The following TAF3 variants were observed in gnomAD, a reference collection of about 807,000 sequenced individuals.
TAF3 encodes the protein TATA-box binding protein associated factor 3.
Under a neutral mutation model 80.6 loss-of-function variants are expected in TAF3, and 7 were observed. That is an observed-to-expected ratio of 0.09 (90% CI 0.05 to 0.16). The LOEUF (loss-of-function observed/expected upper bound fraction) is 0.16, where lower values mean the gene tolerates loss of function less well. Among genes scored for constraint, TAF3 ranks in the 10% least tolerant of loss-of-function variants. The pLI is 1.00. For missense variants in TAF3, 921 were observed against 1,140.2 expected, an observed-to-expected ratio of 0.81 and a Z score of 2.77; for synonymous variants, 444 against 446.1, an observed-to-expected ratio of 1.00 and a Z score of 0.06.
At chr10:8,008,940 T>C in intron 4 of TAF3, 138 bp from the exon 5 acceptor site, 2 of 1,263,240 alleles carry the variant, frequency 1.6e-6, no homozygotes, top group Non-Finnish European at 2.2e-6. Flanking sequence ...GGCCTGGAAC[T>C]CAGTTCTTGA....
intron 2 of TAF3, among the ~76,000 whole-genome samples, chr10:7,863,089 T>C (rs990288869): frequency 6.6e-6 from 1 of 152,256 alleles, no homozygotes; most frequent in Non-Finnish European, 1.5e-5. Flanking sequence ...AGGAGTCTGA[T>C]GTCTTCTGTG....
intron 4 of TAF3, among the ~76,000 whole-genome samples, chr10:7,980,313 T>TC (rs1260473803): frequency 6.6e-6 from 1 of 152,214 alleles, no homozygotes; most frequent in Non-Finnish European, 1.5e-5. Flanking sequence ...ACTTTCTGAG[T>TC]CTTAAATAAA....
chr10:7,955,006 G>A (rs1008693015), intron 2 of TAF3, among the ~76,000 whole-genome samples: 5 of 151,744 alleles, frequency 3.3e-5, no homozygotes, highest in African/African-American at 1.2e-4. Context: ...ATAGGTGAAT[G>A]AATGAATTAG....
chr10:7,924,326 A>T (rs1514233), intron 2 of TAF3, among the ~76,000 whole-genome samples: 46,514 of 152,078 alleles, frequency 0.31, 7,298 homozygotes, highest in African/African-American at 0.37. Context: ...GTTCTCTGCT[A>T]GCATGTTTTG....
At chr10:7,834,954 C>T (rs1055203937) in intron 2 of TAF3, among the ~76,000 whole-genome samples, 3 of 152,118 alleles carry the variant, frequency 2.0e-5, no homozygotes, top group Admixed American at 1.3e-4. Flanking sequence ...TATATACTTT[C>T]ATGTCTTTTA....
chr10:7,859,350 C>A (rs1294090643), intron 2 of TAF3, among the ~76,000 whole-genome samples: 1 of 152,150 alleles, frequency 6.6e-6, no homozygotes, highest in East Asian at 1.9e-4. Context: ...TACATATACA[C>A]ATCCTGCCTT....
chr10:7,931,385 A>G (rs1439353017), intron 2 of TAF3, among the ~76,000 whole-genome samples: 1 of 152,156 alleles, frequency 6.6e-6, no homozygotes, highest in Non-Finnish European at 1.5e-5. Flanking sequence ...TGACCCTGAA[A>G]TTCATTATGA....
At chr10:7,853,550 A>C (rs946970648) in intron 2 of TAF3, among the ~76,000 whole-genome samples, 16 of 152,268 alleles carry the variant, frequency 1.1e-4, no homozygotes, top group African/African-American at 3.9e-4. Flanking sequence ...AATATTCTTC[A>C]ACTGTTATCT....
intron 2 of TAF3, among the ~76,000 whole-genome samples, chr10:7,957,794 G>GCGCTCTCT (rs1554785384): frequency 2.3e-5 from 3 of 130,736 alleles, no homozygotes; most frequent in Non-Finnish European, 3.2e-5. Context: ...TCTCTAGCGC[G>GCGCTCTCT]CTCTCTCTCT....
intron 2 of TAF3, among the ~76,000 whole-genome samples, chr10:7,829,102 A>C (rs1019074991): frequency 6.6e-6 from 1 of 151,700 alleles, no homozygotes; most frequent in African/African-American, 2.4e-5. Flanking sequence ...AAACTTACCA[A>C]GCTCAACTTA....
intron 2 of TAF3, among the ~76,000 whole-genome samples, chr10:7,943,570 C>T (rs1397295235): frequency 6.6e-6 from 1 of 152,160 alleles, no homozygotes; most frequent in Non-Finnish European, 1.5e-5. Context: ...AACTTGCACA[C>T]TGCTAGACAC....
chr10:8,014,057 T>C (rs911660386), intron 6 of TAF3, among the ~76,000 whole-genome samples: 3 of 150,848 alleles, frequency 2.0e-5, no homozygotes, highest in African/African-American at 7.3e-5. Context: ...AATATTCTGC[T>C]TAGCTTATCT....
At chr10:7,867,239 A>G (rs886677090) in intron 2 of TAF3, among the ~76,000 whole-genome samples, 3 of 152,134 alleles carry the variant, frequency 2.0e-5, no homozygotes, top group Non-Finnish European at 1.5e-5. Context: ...AGCCTGGGCA[A>G]CAGAGTGAGA....
intron 3 of TAF3, among the ~76,000 whole-genome samples, 174 bp downstream of exon 3, chr10:7,965,916 G>A (rs1009206913): frequency 1.3e-4 from 20 of 152,128 alleles, no homozygotes; most frequent in African/African-American, 4.3e-4. Context: ...CCATAAACCT[G>A]TAATCAAGCC....
intron 2 of TAF3, among the ~76,000 whole-genome samples, chr10:7,890,230 CTCT>C (rs1361831185): frequency 6.6e-6 from 1 of 152,338 alleles, no homozygotes; most frequent in East Asian, 1.9e-4. Context: ...GAAGGACCAT[CTCT>C]TCTTATCTGC....
chr10:7,887,639 G>A (rs549112841), intron 2 of TAF3, among the ~76,000 whole-genome samples: 1 of 152,144 alleles, frequency 6.6e-6, no homozygotes, highest in Non-Finnish European at 1.5e-5. Context: ...GACTAAAACA[G>A]ATAAGAGCCG....
chr10:7,977,336 G>A lies in TAF3; in HGVS notation c.2315+13G>A, dbSNP rs117565981. 27,221 of 1,612,918 alleles carry A rather than the reference G, an allele frequency of 0.017. 323 individuals are homozygous for A. Among genetic ancestry groups the A allele is most frequent in the Non-Finnish European group, 0.019 (22,634 of 1,179,122 alleles). On this transcript the variant is annotated intron_variant, in intron 4 of 6. Transcript: ENST00000344293. ...GCCAAGACAAGATGTAAGTATAAAC[G>A]TTTTGAATCAGGGTGAAACAAATGA...
intron 2 of TAF3, among the ~76,000 whole-genome samples, chr10:7,953,888 T>C (rs1838108522): frequency 6.7e-6 from 1 of 148,682 alleles, no homozygotes; most frequent in Non-Finnish European, 1.5e-5. Flanking sequence ...GAGCTCTCCA[T>C]AGTGAGATTC....
At chr10:7,973,151 G>T (rs1831637007) in intron 3 of TAF3, among the ~76,000 whole-genome samples, 1 of 152,144 alleles carries the variant, frequency 6.6e-6, no homozygotes, top group South Asian at 2.1e-4. Flanking sequence ...GAGTTGTGAA[G>T]ATAGAGTTGA....
Sources: gnomAD v4.1 joint callset for allele counts (sites outside exome capture counted in the v4.1 genomes callset) on GRCh38, gnomAD v4.1.1 for gene constraint, MANE v1.5 for transcripts, NCBI Gene and HGNC (gene_info 2026-07-23, HGNC 2026-07-21) for gene names.